Variants in IRAK2 observed in about 807,000 individuals in gnomAD.
IRAK2 encodes interleukin 1 receptor associated kinase 2, also known as interleukin-1 receptor-associated kinase-like 2.
Under a neutral mutation model 72.0 loss-of-function variants are expected in IRAK2, and 57 were observed. The observed-to-expected ratio is 0.79, with a 90% CI of 0.64 to 0.99. The LOEUF (loss-of-function observed/expected upper bound fraction) is 0.99. IRAK2 is among the 50% of genes least tolerant of loss of function. The probability of loss-of-function intolerance (pLI) is 0.00; values close to 1 mark genes in which losing one functional copy is unlikely to be tolerated. For synonymous variants in IRAK2, 293 were observed against 312.7 expected, an observed-to-expected ratio of 0.94 and a Z score of 0.67; for missense variants, 790 against 794.4, an observed-to-expected ratio of 0.99 and a Z score of 0.07.
chr3:10,224,785 A>T (rs1418111372), intron 9 of IRAK2, among the ~76,000 whole-genome samples: 1 of 12,108 alleles, frequency 8.3e-5, no homozygotes, highest in Non-Finnish European at 1.8e-4. Context: ...TCCATCTACC[A>T]CCCATCCATC....
chr3:10,236,094 C>T (rs541665298), intron 11 of IRAK2, among the ~76,000 whole-genome samples: 1 of 152,206 alleles, frequency 6.6e-6, no homozygotes, highest in South Asian at 2.1e-4. Flanking sequence ...TGATGAGGAC[C>T]CCACCCTGTT....
Position 10,234,622 on chromosome 3 carries a change from G to A in IRAK2, c.1436G>A (p.Cys479Tyr). Residue 479 changes from cysteine to tyrosine, a missense_variant, in exon 11 of 13, where the codon TGC becomes TAC. Transcript: ENST00000256458. ...DCAEALATAA[C>Y]LCLRRRNTSL... ...GCCGAGGCCCTGGCCACGGCTGCCT[G>A]CCTGTGCCTGCGGAGGCGTAACACC... is the stretch of plus-strand genomic sequence containing the variant. The A allele has an allele frequency of 6.2e-7, 1 of 1,613,326 alleles. No homozygotes were observed. The highest frequency in any genetic ancestry group is 8.5e-7 in the Non-Finnish European group (1 of 1,179,908).
chr3:10,172,537 CAAAA>C (rs71055803), intron 1 of IRAK2, among the ~76,000 whole-genome samples: 2 of 34,926 alleles, frequency 5.7e-5, no homozygotes, highest in African/African-American at 2.4e-4. Context: ...AACTCCGACT[CAAAA>C]AAAAAAAAAA....
At chr3:10,190,458 A>G (rs1204697386) in intron 2 of IRAK2, among the ~76,000 whole-genome samples, 2 of 151,450 alleles carry the variant, frequency 1.3e-5, no homozygotes, top group African/African-American at 2.4e-5. Context: ...AGGTTTTCTT[A>G]AAGTTAATTG....
In IRAK2 at chr3:10,186,967, C is replaced by CT. The variant is rs61587063; in HGVS notation, c.277+8962dup. Among the ~76,000 whole-genome samples the CT allele has an allele frequency of 5.8e-3, 797 of 138,608 alleles. 19 individuals carry two copies. Among genetic ancestry groups the CT allele is most frequent in the East Asian group, 0.049 (234 of 4,758 alleles). 90.9% of individuals were successfully genotyped at this position (138,608 alleles called of 152,430 possible). On this transcript the variant is annotated intron_variant, in intron 2 of 12. Coordinates refer to ENST00000256458, the MANE Select transcript of IRAK2 (RefSeq NM_001570.4). ...AGTGCAAACCACCATGCCCAGCTAACTTTTTTTTTTTTTTTCAGATTTTGG... is the reference window on the plus strand; with the variant it reads ...AGTGCAAACCACCATGCCCAGCTAACTTTTTTTTTTTTTTTTCAGATTTTGG...
rs1290181716 is a variant in IRAK2, at chr3:10,165,034, A to G, written c.80A>G (p.Asp27Gly). The G allele has an allele frequency of 6.2e-7, 1 of 1,611,118 alleles. No homozygotes were observed. Among genetic ancestry groups the G allele is most frequent in the Non-Finnish European group, 8.5e-7 (1 of 1,179,408 alleles). Residue 27 changes from aspartate to glycine, a missense_variant, in exon 1 of 13, where the codon GAC becomes GGC. By Grantham distance (94) the Asp-to-Gly change is moderately conservative. Transcript: ENST00000256458. ...AACATGGACGCGCTCAGCGAGTGGG[A>G]CTGGATGGAGTTCGGTGAGTGCGGC... The part of the protein sequence containing the change: ...CRNMDALSEW[D>G]WMEFASYVIT...
chr3:10,236,342 GTTTTTTT>G (rs34423993), intron 11 of IRAK2, among the ~76,000 whole-genome samples: 5 of 99,636 alleles, frequency 5.0e-5, no homozygotes, highest in Admixed American at 1.4e-4. Flanking sequence ...AGCCACTAAG[GTTTTTTT>G]TTTTTTTTTT....
At chr3:10,234,805 A>C in intron 11 of IRAK2, 146 bp downstream of exon 11, 1 of 744,194 alleles carries the variant, frequency 1.3e-6, no homozygotes, top group Non-Finnish European at 2.2e-6. Context: ...CCATCAGCCA[A>C]AGGGCGGTGT....
chr3:10,172,537 C>CAAAAAA (rs71055803), intron 1 of IRAK2, among the ~76,000 whole-genome samples: 1 of 34,922 alleles, frequency 2.9e-5, no homozygotes, highest in African/African-American at 1.2e-4. Context: ...AACTCCGACT[C>CAAAAAA]AAAAAAAAAA....
At chr3:10,174,117 G>A (rs1012383099) in intron 1 of IRAK2, among the ~76,000 whole-genome samples, 1 of 152,140 alleles carries the variant, frequency 6.6e-6, no homozygotes, top group South Asian at 2.1e-4. Context: ...GCTTCGTGGG[G>A]GGAGATGGTC....
At chr3:10,175,751 G>T (rs1382784124) in intron 1 of IRAK2, among the ~76,000 whole-genome samples, 1 of 151,926 alleles carries the variant, frequency 6.6e-6, no homozygotes, top group Non-Finnish European at 1.5e-5. Context: ...TTAGCCAGGC[G>T]TGGTGGTGGG....
intron 1 of IRAK2, among the ~76,000 whole-genome samples, chr3:10,170,760 T>G (rs1348979311): frequency 6.6e-6 from 1 of 152,178 alleles, no homozygotes; most frequent in African/African-American, 2.4e-5. Context: ...GGCTGCCCAC[T>G]CTTACCCATT....
In IRAK2 at chr3:10,199,317, C is replaced by T. The variant is rs182884616; in HGVS notation, c.278-1052C>T. Among the ~76,000 whole-genome samples, 139 of 152,264 alleles carry T rather than the reference C, an allele frequency of 9.1e-4. 3 individuals carry two copies. The highest frequency in any genetic ancestry group is 3.3e-3 in the Admixed American group (50 of 15,290). On this transcript the variant is annotated intron_variant, in intron 2 of 12. Coordinates refer to ENST00000256458, the MANE Select transcript of IRAK2 (RefSeq NM_001570.4). ...AAGGAAATGATTACCCTCGAGAAGG[C>T]AGGGGAGTTCTTCGGCCAGTCCTGC... is the stretch of plus-strand genomic sequence containing the variant.
intron 2 of IRAK2, among the ~76,000 whole-genome samples, chr3:10,179,400 T>C (rs1466530265): frequency 6.6e-6 from 1 of 151,670 alleles, no homozygotes; most frequent in Admixed American, 6.6e-5. Context: ...GCCTCCCAAG[T>C]AGCTGTGATT....
intron 12 of IRAK2, 47 bp from the exon 13 acceptor site, chr3:10,242,069 G>A: frequency 1.9e-6 from 2 of 1,065,766 alleles, no homozygotes; most frequent in Non-Finnish European, 2.9e-6. Context: ...TATAATAATA[G>A]TAACTTTCAT....
At chr3:10,182,536 C>T (rs1438945203) in intron 2 of IRAK2, among the ~76,000 whole-genome samples, 2 of 152,090 alleles carry the variant, frequency 1.3e-5, no homozygotes, top group Admixed American at 6.6e-5. Flanking sequence ...CCGCCTCGGC[C>T]TCCCAAAGTG....
chr3:10,202,083 C>T (rs1001184048), intron 3 of IRAK2, among the ~76,000 whole-genome samples: 10 of 152,190 alleles, frequency 6.6e-5, no homozygotes, highest in African/African-American at 2.4e-4. Flanking sequence ...ATTCCAGACA[C>T]TCCAGATAGG....
Position 10,238,613 on chromosome 3 carries a change from G to T in IRAK2, c.1474-135G>T, listed in dbSNP as rs1575993461. On this transcript the variant is annotated intron_variant, in intron 11 of 12. Transcript: ENST00000256458. ...CAGGTCTTTTCAAAGGAAGGGTGTG[G>T]TTTTTTCAGACAAAACAACCAGCAT... 4.7e-6 allele frequency: 4 copies of T among 856,898 alleles called. No individual in the cohort carries two copies. In the South Asian group the frequency reaches 5.1e-5, roughly 11 times the overall value. The allele number at this position is 856,898 out of a possible 1,614,324, so 53.1% of individuals were successfully genotyped here.
intron 3 of IRAK2, among the ~76,000 whole-genome samples, chr3:10,203,163 A>G (rs1559446382): frequency 6.7e-6 from 1 of 150,270 alleles, no homozygotes; most frequent in Non-Finnish European, 1.5e-5. Flanking sequence ...CGTCTGACTG[A>G]TTTTTGTATT....
Sources: gnomAD v4.1 joint callset for allele counts (sites outside exome capture counted in the v4.1 genomes callset) on GRCh38, gnomAD v4.1.1 for gene constraint, MANE v1.5 for transcripts, NCBI Gene and HGNC (gene_info 2026-07-23, HGNC 2026-07-21) for gene names.